The following NAALADL2 variants were observed in gnomAD, a reference collection of about 807,000 sequenced individuals.
NAALADL2 encodes the protein inactive N-acetylated-alpha-linked acidic dipeptidase-like protein 2.
In NAALADL2, 76 loss-of-function variants were observed where a neutral mutation model predicts 87.2. The observed-to-expected ratio is 0.87, with a 90% confidence interval of 0.72 to 1.05. NAALADL2 has a LOEUF of 1.05. Ranked by LOEUF, NAALADL2 falls within the 50% of genes least tolerant of loss-of-function variation. The probability of loss-of-function intolerance (pLI) is 0.00; values close to 1 mark genes in which losing one functional copy is unlikely to be tolerated. For missense variants in NAALADL2, 1,089 were observed against 945.8 expected (o/e 1.15, Z -1.99); for synonymous variants, 354 against 331.0 (o/e 1.07, Z -0.75).
At chr3:174,782,070 A>G (rs1225946601) in intron 3 of NAALADL2, among the ~76,000 whole-genome samples, 1 of 152,136 alleles carries the variant, frequency 6.6e-6, no homozygotes, top group Non-Finnish European at 1.5e-5. Context: ...GAAGTGTGAA[A>G]GTACATATGC....
intron 1 of NAALADL2, among the ~76,000 whole-genome samples, chr3:174,876,690 C>A (rs183079741): frequency 1.6e-4 from 24 of 152,166 alleles, no homozygotes; most frequent in Non-Finnish European, 3.2e-4. Flanking sequence ...TAAATGGATT[C>A]TTTTGACTTT....
At chr3:174,736,620 T>C (rs1733228203) in intron 2 of NAALADL2, among the ~76,000 whole-genome samples, 1 of 152,092 alleles carries the variant, frequency 6.6e-6, no homozygotes, top group Non-Finnish European at 1.5e-5. Flanking sequence ...GGGGTTTTTA[T>C]GGGCTTCAGT....
intron 1 of NAALADL2, among the ~76,000 whole-genome samples, chr3:175,035,071 G>T (rs951023880): frequency 1.3e-5 from 2 of 152,054 alleles, no homozygotes; most frequent in Non-Finnish European, 2.9e-5. Context: ...AATGAATGAA[G>T]GTTATGAGAG....
chr3:175,247,554 G>A (rs1316829409), intron 3 of NAALADL2, among the ~76,000 whole-genome samples: 1 of 138,388 alleles, frequency 7.2e-6, no homozygotes, highest in African/African-American at 2.7e-5. Flanking sequence ...AAGACCCTAT[G>A]GGACATATAC....
intron 2 of NAALADL2, among the ~76,000 whole-genome samples, chr3:174,676,169 G>A (rs1306768349): frequency 6.6e-6 from 1 of 151,984 alleles, no homozygotes; most frequent in Non-Finnish European, 1.5e-5. Flanking sequence ...TTGACCAATT[G>A]TGAAGATCAC....
intron 1 of NAALADL2, among the ~76,000 whole-genome samples, chr3:174,868,462 G>A (rs1159927566): frequency 6.6e-6 from 1 of 152,076 alleles, no homozygotes; most frequent in Non-Finnish European, 1.5e-5. Flanking sequence ...CTTGATAAAT[G>A]TTTTTTCTGT....
At chr3:175,308,295 A>G (rs915144149) in intron 4 of NAALADL2, among the ~76,000 whole-genome samples, 3 of 152,116 alleles carry the variant, frequency 2.0e-5, no homozygotes, top group African/African-American at 7.2e-5. Flanking sequence ...GTTGTTCATC[A>G]CATTGGGGAT....
chr3:174,698,440 G>A (rs1729233304), intron 2 of NAALADL2, among the ~76,000 whole-genome samples: 2 of 152,224 alleles, frequency 1.3e-5, no homozygotes, highest in South Asian at 4.1e-4. Context: ...GGCTTTCATA[G>A]TCGCCATTAA....
chr3:174,623,652 T>TAA (rs35964595), intron 2 of NAALADL2, among the ~76,000 whole-genome samples: 1 of 151,272 alleles, frequency 6.6e-6, no homozygotes, highest in Non-Finnish European at 1.5e-5. Flanking sequence ...ATGTATTTAT[T>TAA]AAAAAAAAGT....
At chr3:175,490,101 A>G (rs1282426760) in intron 9 of NAALADL2, among the ~76,000 whole-genome samples, 1 of 152,134 alleles carries the variant, frequency 6.6e-6, no homozygotes, top group African/African-American at 2.4e-5. Flanking sequence ...ACACATTACA[A>G]AAACAGAGCC....
intron 1 of NAALADL2, among the ~76,000 whole-genome samples, chr3:175,062,488 G>GTA (rs1421514600): frequency 3.7e-4 from 51 of 139,590 alleles, no homozygotes; most frequent in African/African-American, 1.5e-3. Context: ...GTGTGTGTGT[G>GTA]TGTGTGTGTG....
intron 1 of NAALADL2, among the ~76,000 whole-genome samples, chr3:174,496,562 C>CAT (rs1347342298): frequency 2.7e-5 from 4 of 148,740 alleles, no homozygotes; most frequent in African/African-American, 9.9e-5. Context: ...AGGATTTGGC[C>CAT]ATATATATGT....
At chr3:174,930,403 A>G (rs1736689577) in intron 1 of NAALADL2, among the ~76,000 whole-genome samples, 1 of 151,944 alleles carries the variant, frequency 6.6e-6, no homozygotes, top group African/African-American at 2.4e-5. Context: ...TTTCCACTAA[A>G]GGTAGAGTGG....
intron 3 of NAALADL2, among the ~76,000 whole-genome samples, chr3:174,769,368 T>C (rs1236909012): frequency 6.6e-6 from 1 of 152,068 alleles, no homozygotes; most frequent in Non-Finnish European, 1.5e-5. Context: ...TTTAGCATAT[T>C]TGTGAAAGAA....
chr3:174,581,633 G>C (rs145426140), intron 2 of NAALADL2, among the ~76,000 whole-genome samples: 1 of 152,276 alleles, frequency 6.6e-6, no homozygotes, highest in Non-Finnish European at 1.5e-5. Flanking sequence ...ATTCTGAGCA[G>C]TGATGTGTTG....
chr3:175,033,872 A>G (rs1753082495), intron 1 of NAALADL2, among the ~76,000 whole-genome samples: 1 of 152,170 alleles, frequency 6.6e-6, no homozygotes, highest in Non-Finnish European at 1.5e-5. Context: ...CTCTTTGCTG[A>G]ACTTGAGACT....
chr3:174,856,919 C>A (rs1279033761), upstream of NAALADL2, among the ~76,000 whole-genome samples: 1 of 152,090 alleles, frequency 6.6e-6, no homozygotes, highest in Non-Finnish European at 1.5e-5. Flanking sequence ...AAGATATGAA[C>A]ACAAATGTGT....
At chr3:175,089,826 G>A (rs1310343543) in intron 1 of NAALADL2, among the ~76,000 whole-genome samples, 3 of 152,116 alleles carry the variant, frequency 2.0e-5, no homozygotes, top group African/African-American at 7.2e-5. Context: ...CTGAGATCAG[G>A]CAAATGCTGA....
At chr3:175,773,389 T>TA (rs1294647371) in intron 13 of NAALADL2, 1 of 152,168 alleles carries the variant, frequency 6.6e-6, no homozygotes, top group Non-Finnish European at 1.5e-5. Context: ...TTCTAATTGA[T>TA]ATCATTGTGT....
Sources: gnomAD v4.1 joint callset for allele counts (sites outside exome capture counted in the v4.1 genomes callset) on GRCh38, gnomAD v4.1.1 for gene constraint, MANE v1.5 for transcripts, NCBI Gene and HGNC (gene_info 2026-07-23, HGNC 2026-07-21) for gene names.